Variants in NEB observed in about 807,000 individuals in gnomAD.
The protein encoded by NEB is nebulin.
In NEB, 512 loss-of-function variants were observed where a neutral mutation model predicts 952.2. The ratio of observed to expected loss-of-function variants is 0.54; its 90% CI spans 0.50 to 0.58. The LOEUF is 0.58. Ranked by LOEUF, NEB falls within the 20% of genes least tolerant of loss-of-function variation. The pLI is 0.00. For synonymous variants in NEB, 2,900 were observed against 3,149.8 expected (o/e 0.92, Z 2.66); for missense variants, 8,428 against 9,231.1 (o/e 0.91, Z 3.56).
intron 13 of NEB, among the ~76,000 whole-genome samples, chr2:151,699,110 G>C (rs1474930944): frequency 2.1e-5 from 3 of 141,636 alleles, no homozygotes; most frequent in Non-Finnish European, 4.6e-5. Flanking sequence ...AGAATATGCG[G>C]TGTTTGGTTT....
At position 151,502,905 on chromosome 2, in the gene NEB, A is replaced by T; in HGVS notation, c.23836-20T>A. On this transcript the variant is annotated intron_variant, in intron 166 of 181. Transcript: ENST00000397345. Reference sequence around the variant, plus strand: ...CAAAACCTGTGAGATACAAGAAAGTACCCAGAGGACATTTAAAACAGGCAC... The same window carrying T: ...CAAAACCTGTGAGATACAAGAAAGTTCCCAGAGGACATTTAAAACAGGCAC... 2 of 1,431,634 alleles carry T rather than the reference A, an allele frequency of 1.4e-6. No homozygotes were observed. Among genetic ancestry groups the T allele is most frequent in the Non-Finnish European group, 2.0e-6 (2 of 1,025,340 alleles). The allele number at this position is 1,431,634 out of a possible 1,614,324, so 88.7% of individuals were successfully genotyped here.
intron 12 of NEB, among the ~76,000 whole-genome samples, chr2:151,707,989 C>A (rs571949102): frequency 8.5e-5 from 13 of 152,136 alleles, no homozygotes; most frequent in Non-Finnish European, 1.8e-4. Flanking sequence ...GATTCACAAA[C>A]TTTACTCTCC....
chr2:151,496,506 C>T, intron 172 of NEB, 138 bp from the exon 173 acceptor site: 2 of 1,441,842 alleles, frequency 1.4e-6, no homozygotes, highest in Non-Finnish European at 1.9e-6. Context: ...TGACAAAATG[C>T]CACCAGCTAC....
At chr2:151,489,316 T>A (rs750911075) in intron 181 of NEB, among the ~76,000 whole-genome samples, 5 of 152,238 alleles carry the variant, frequency 3.3e-5, no homozygotes, top group Admixed American at 2.6e-4. Context: ...ACTGTGAAGA[T>A]GATTTGGCTT....
chr2:151,687,905 C>T (rs1167615500), intron 25 of NEB, among the ~76,000 whole-genome samples, 172 bp from the exon 26 acceptor site: 1 of 152,202 alleles, frequency 6.6e-6, no homozygotes, highest in Non-Finnish European at 1.5e-5. Flanking sequence ...TTCTTTCTCC[C>T]TACCACTAAA....
chr2:151,725,331 T>C, intron 6 of NEB, 122 bp downstream of exon 6: 2 of 773,384 alleles, frequency 2.6e-6, no homozygotes, highest in Non-Finnish European at 4.3e-6. Flanking sequence ...TTTTCTAGAT[T>C]TGTGAACTAG....
At chr2:151,545,128 T>C (rs1001605777) in intron 135 of NEB, among the ~76,000 whole-genome samples, 1 of 152,142 alleles carries the variant, frequency 6.6e-6, no homozygotes, top group Non-Finnish European at 1.5e-5. Flanking sequence ...AAAATGAAAC[T>C]AAGTAGTCTG....
At chr2:151,701,294 A>T (rs1216689376) in intron 13 of NEB, among the ~76,000 whole-genome samples, 3 of 151,780 alleles carry the variant, frequency 2.0e-5, no homozygotes, top group Non-Finnish European at 4.4e-5. Flanking sequence ...TTTTTGCATC[A>T]ATATTCATCA....
rs2096293525 is a variant in NEB, at chr2:151,565,108, T to C, written c.18407A>G (p.Tyr6136Cys). The C allele has an allele frequency of 1.3e-6, 2 of 1,598,018 alleles. No homozygotes were observed. The highest frequency in any genetic ancestry group is 1.3e-5 in the African/African-American group (1 of 74,650). ...ATGTGGTGTATCTGGTGAAAACGTA[T>C]ATTTGCCCTTTGCTTTATTAAATGT... Reference protein sequence around the residue: ...KETFNKAKGKYTFSPDTPHIS... With the variant: ...KETFNKAKGKCTFSPDTPHIS... Residue 6136 changes from tyrosine (Y) to cysteine (C), a missense_variant, in exon 117 of 182, where the codon TAT (tyrosine) becomes TGT (cysteine). Tyr to Cys is a radical substitution (Grantham distance 194, BLOSUM62 -2). Coordinates refer to ENST00000397345, the MANE Select transcript of NEB (RefSeq NM_001164508.2).
chr2:151,609,705 T>A (rs1326821651), intron 81 of NEB, 104 bp downstream of exon 81: 5 of 1,076,598 alleles, frequency 4.6e-6, no homozygotes, highest in Admixed American at 5.1e-5. Flanking sequence ...ACCCCCAGGT[T>A]TGTGCAGTGC....
At chr2:151,644,311 C>T (rs2098925967) in intron 56 of NEB, among the ~76,000 whole-genome samples, 157 bp downstream of exon 56, 1 of 152,190 alleles carries the variant, frequency 6.6e-6, no homozygotes, top group Non-Finnish European at 1.5e-5. Context: ...ATAATAAATG[C>T]ATCCTTGATC....
intron 36 of NEB, among the ~76,000 whole-genome samples, 185 bp downstream of exon 36, chr2:151,674,292 G>A (rs2099338959): frequency 6.6e-6 from 1 of 152,184 alleles, no homozygotes; most frequent in Non-Finnish European, 1.5e-5. Context: ...GCTCTACCAA[G>A]TGGGGTCAAC....
chr2:151,493,943 A>G, intron 174 of NEB, 76 bp from the exon 175 acceptor site: 1 of 1,112,726 alleles, frequency 9.0e-7, no homozygotes, highest in Non-Finnish European at 1.3e-6. Flanking sequence ...AGTTGGGGGG[A>G]AATGTTATGT....
At position 151,642,572 on chromosome 2, in the gene NEB, A is replaced by C. The variant is rs751776632; in HGVS notation, c.8373+2T>G. 6.2e-7 allele frequency: 1 copy of C among 1,607,944 alleles called. No individual in the cohort carries two copies. On this transcript the variant is annotated splice_donor_variant, in intron 60 of 181. Transcript: ENST00000397345. LOFTEE classifies it high-confidence loss of function. ...GGCAAATAACTTTCCAAGTATACTT[A>C]CTTCACTTGCAATATCTCTGGAGGC...
At chr2:151,547,187 G>C (rs2094823866) in intron 133 of NEB, among the ~76,000 whole-genome samples, 2 of 152,084 alleles carry the variant, frequency 1.3e-5, no homozygotes, top group Non-Finnish European at 2.9e-5. Flanking sequence ...GTAGAATGGT[G>C]GTCACTGAGT....
At chr2:151,627,953 C>A in intron 68 of NEB, 119 bp from the exon 69 acceptor site, 3 of 1,313,730 alleles carry the variant, frequency 2.3e-6, no homozygotes, top group South Asian at 1.5e-5. Flanking sequence ...AAAGAATCTG[C>A]ATATCAGTTT....
At chr2:151,614,711 T>C in intron 76 of NEB, 124 bp from the exon 77 acceptor site, 3 of 1,161,548 alleles carry the variant, frequency 2.6e-6, no homozygotes, top group East Asian at 2.5e-5. Flanking sequence ...AAAGTGAGTA[T>C]CATCAACCCT....
At chr2:151,662,083 TA>T in intron 46 of NEB, 51 bp downstream of exon 46, 2 of 1,474,476 alleles carry the variant, frequency 1.4e-6, no homozygotes, top group Non-Finnish European at 1.9e-6. Flanking sequence ...ATGTAAATTA[TA>T]CCTGGATTCT....
intron 13 of NEB, among the ~76,000 whole-genome samples, chr2:151,698,556 G>A (rs2099615257): frequency 6.6e-6 from 1 of 151,718 alleles, no homozygotes; most frequent in Non-Finnish European, 1.5e-5. Context: ...ATCATGAAAT[G>A]TGATCTTTTC....
Sources: allele counts gnomAD v4.1 joint callset (sites outside exome capture counted in the v4.1 genomes callset), GRCh38; gene constraint gnomAD v4.1.1; transcripts MANE v1.5; gene names NCBI Gene and HGNC (gene_info 2026-07-23, HGNC 2026-07-21).